The following C8orf88 variants were observed in gnomAD, a reference collection of about 807,000 sequenced individuals.
C8orf88 encodes chromosome 8 open reading frame 88, also known as uncharacterized protein C8orf88.
In C8orf88, 14 loss-of-function variants were observed where a neutral mutation model predicts 18.4. The observed-to-expected ratio is 0.76, with a 90% CI of 0.50 to 1.19. C8orf88 has a LOEUF of 1.19. Ranked by LOEUF, C8orf88 falls within the 50% of genes most tolerant of loss-of-function variation. The probability of loss-of-function intolerance (pLI) is 0.00; values close to 1 mark genes in which losing one functional copy is unlikely to be tolerated. For synonymous variants in C8orf88, 45 were observed against 42.9 expected, an observed-to-expected ratio of 1.05 and a Z score of -0.19; for missense variants, 116 against 134.7, an observed-to-expected ratio of 0.86 and a Z score of 0.69.
intron 1 of C8orf88, among the ~76,000 whole-genome samples, chr8:90,983,458 G>A (rs1811461740): frequency 6.6e-6 from 1 of 151,770 alleles, no homozygotes; most frequent in Non-Finnish European, 1.5e-5. Flanking sequence ...CTATATCTTA[G>A]GTTCCTTTTC....
At chr8:90,972,192 G>A (rs895885705) in intron 3 of C8orf88, among the ~76,000 whole-genome samples, 4 of 151,882 alleles carry the variant, frequency 2.6e-5, no homozygotes, top group Non-Finnish European at 5.9e-5. Flanking sequence ...AAGGCAGTAG[G>A]ACTAATTATC....
rs1463101186 is a variant in C8orf88 at position 90,958,734 on chromosome 8, G to A, written c.*273C>T. The A allele has an allele frequency of 6.2e-6, 2 of 325,074 alleles. No homozygotes were observed. The highest frequency in any genetic ancestry group is 1.1e-5 in the Non-Finnish European group (2 of 179,062). 20.1% of individuals were successfully genotyped at this position (325,074 alleles called of 1,614,324 possible). A position where few individuals can be genotyped will look rare whatever the true frequency, so the allele number is the denominator to read the frequency against. ...AAAAACAAAAAATTGCAAGTAGTAT[G>A]CAAATTATAAATATACAGTCTTCCC... is the stretch of plus-strand genomic sequence containing the variant. On this transcript the variant is annotated 3_prime_UTR_variant, in exon 6 of 6. Coordinates refer to ENST00000517562, the MANE Select transcript of C8orf88 (RefSeq NM_001190972.2).
chr8:90,980,209 AAGAATCTTTCTCCTTC>A (rs1164819448), intron 2 of C8orf88, among the ~76,000 whole-genome samples, 138 bp downstream of exon 2: 1 of 152,230 alleles, frequency 6.6e-6, no homozygotes, highest in Non-Finnish European at 1.5e-5. Context: ...GTAGGTAATT[AAGAATCTTTCTCCTTC>A]AGTAATACAA....
intron 1 of C8orf88, among the ~76,000 whole-genome samples, chr8:90,981,478 C>T (rs1458040696): frequency 2.6e-5 from 4 of 152,166 alleles, no homozygotes; most frequent in African/African-American, 9.6e-5. Context: ...TGGAAAATAT[C>T]CCCCTGTCTC....
At chr8:90,961,440 T>C (rs769324806) in intron 4 of C8orf88, among the ~76,000 whole-genome samples, 59 of 150,144 alleles carry the variant, frequency 3.9e-4, no homozygotes, top group Middle Eastern at 3.4e-3. Flanking sequence ...CAGAAGACAA[T>C]GGAATAATAT....
chr8:90,967,159 T>C (rs111494522), intron 4 of C8orf88, among the ~76,000 whole-genome samples: 4 of 151,998 alleles, frequency 2.6e-5, no homozygotes, highest in Admixed American at 6.6e-5. Context: ...GTCAAATGCT[T>C]TTTCTTCAAT....
rs150794096 is a variant in C8orf88 at position 90,982,536 on chromosome 8, C to G, written c.-26-2075G>C. Among the ~76,000 whole-genome samples the G allele has an allele frequency of 1.8e-3, 276 of 152,202 alleles. 2 individuals are homozygous for G. Among genetic ancestry groups the G allele is most frequent in the African/African-American group, 6.2e-3 (259 of 41,530 alleles). On this transcript the variant is annotated intron_variant, in intron 1 of 5. Coordinates refer to ENST00000517562, the MANE Select transcript of C8orf88 (RefSeq NM_001190972.2). ...TGTTAAGTCTTTTCCAATCGCTGAGCAAGGCAAATCCACAGTATTCAAACT... is the reference window on the plus strand; with the variant it reads ...TGTTAAGTCTTTTCCAATCGCTGAGGAAGGCAAATCCACAGTATTCAAACT...
intron 4 of C8orf88, among the ~76,000 whole-genome samples, chr8:90,964,691 T>G (rs1354852367): frequency 6.6e-6 from 1 of 151,694 alleles, no homozygotes; most frequent in African/African-American, 2.4e-5. Flanking sequence ...AATGCATAAT[T>G]ATAAATCTAG....
chr8:90,972,443 C>T (rs989727741), intron 3 of C8orf88, among the ~76,000 whole-genome samples: 4 of 151,714 alleles, frequency 2.6e-5, no homozygotes, highest in Non-Finnish European at 4.4e-5. Flanking sequence ...TTCTTGCCTC[C>T]GGAAATTTTA....
At chr8:90,975,743 C>T (rs1811338861) in intron 3 of C8orf88, among the ~76,000 whole-genome samples, 1 of 152,026 alleles carries the variant, frequency 6.6e-6, no homozygotes, top group South Asian at 2.1e-4. Context: ...TCTTATAACG[C>T]TAAACAAACT....
chr8:90,975,543 A>T (rs906640562), intron 3 of C8orf88, among the ~76,000 whole-genome samples: 1 of 152,138 alleles, frequency 6.6e-6, no homozygotes, highest in African/African-American at 2.4e-5. Flanking sequence ...TCATGGTAAG[A>T]TGCCAAATCT....
In C8orf88 at chr8:90,966,349, G is replaced by A. The variant is rs1433956867; in HGVS notation, c.223+4717C>T. On this transcript the variant is annotated intron_variant, in intron 4 of 5. Transcript: ENST00000517562. The stretch of plus-strand genomic sequence containing the variant: ...AGGGGAACATCACACTTTGGGGACT[G>A]TTGTGGGGTGGGGGGAGGGGGGAGG... 2.7e-5 allele frequency among the ~76,000 whole-genome samples: 3 copies of A among 109,680 alleles called. No individual in the cohort carries two copies. In the East Asian group the frequency reaches 8.5e-4, roughly 31 times the overall value. 72.0% of individuals were successfully genotyped at this position (109,680 alleles called of 152,430 possible).
intron 3 of C8orf88, among the ~76,000 whole-genome samples, chr8:90,975,441 A>G (rs919037636): frequency 3.3e-5 from 5 of 152,134 alleles, no homozygotes; most frequent in Non-Finnish European, 5.9e-5. Flanking sequence ...CCCAAATAAT[A>G]GAAATAGTCA....
chr8:90,966,365 AG>A (rs1283313432), intron 4 of C8orf88, among the ~76,000 whole-genome samples: 9 of 56,118 alleles, frequency 1.6e-4, no homozygotes, highest in Non-Finnish European at 2.5e-4. Context: ...GGGTGGGGGG[AG>A]GGGGGAGGGA....
intron 3 of C8orf88, among the ~76,000 whole-genome samples, chr8:90,971,768 A>C (rs1811288036): frequency 1.3e-5 from 2 of 152,008 alleles, no homozygotes; most frequent in Admixed American, 1.3e-4. Flanking sequence ...ATGATATTTT[A>C]AAAATCCATT....
At chr8:90,959,608 G>A (rs893207218) in intron 5 of C8orf88, among the ~76,000 whole-genome samples, 33 of 151,456 alleles carry the variant, frequency 2.2e-4, no homozygotes, top group African/African-American at 7.0e-4. Flanking sequence ...ATTGGCTAGA[G>A]ATCTAAAGTT....
Position 90,980,362 on chromosome 8 carries a change from C to T in C8orf88, c.73+1G>A. 3 of 1,523,658 alleles carry T rather than the reference C, an allele frequency of 2.0e-6. No individual in the cohort carries two copies. The African/African-American group carries it at 4.2e-5, about 21-fold the overall frequency. 94.4% of individuals were successfully genotyped at this position (1,523,658 alleles called of 1,614,324 possible). A position where few individuals can be genotyped will look rare whatever the true frequency, so the allele number is the denominator to read the frequency against. Reference sequence around the variant, plus strand: ...AAAGAACTGTACAATCTATTACTCACCTGGGGGAGAAGTCAGATGACGAAC... The same window carrying T: ...AAAGAACTGTACAATCTATTACTCATCTGGGGGAGAAGTCAGATGACGAAC... On this transcript the variant is annotated splice_donor_variant, in intron 2 of 5. Transcript: ENST00000517562. LOFTEE classifies it high-confidence loss of function.
At chr8:90,963,300 TAAC>T (rs1448905542) in intron 4 of C8orf88, among the ~76,000 whole-genome samples, 12 of 151,508 alleles carry the variant, frequency 7.9e-5, no homozygotes, top group Non-Finnish European at 4.4e-5. Flanking sequence ...GTCACTAAGC[TAAC>T]AACAACTACT....
At chr8:90,969,465 C>T (rs115476929) in intron 4 of C8orf88, among the ~76,000 whole-genome samples, 1,754 of 151,770 alleles carry the variant, frequency 0.012, 34 homozygotes, top group African/African-American at 0.039. Context: ...GAAAATATCA[C>T]GTGCCCTCAA....
Sources: allele counts gnomAD v4.1 joint callset (sites outside exome capture counted in the v4.1 genomes callset), GRCh38; gene constraint gnomAD v4.1.1; transcripts MANE v1.5; gene names NCBI Gene and HGNC (gene_info 2026-07-23, HGNC 2026-07-21).